The following DLC1 variants were observed in gnomAD, a reference collection of about 807,000 sequenced individuals.
The protein encoded by DLC1 is rho GTPase-activating protein 7.
A neutral mutation model predicts 140.3 loss-of-function variants in DLC1; 54 were observed. The ratio of observed to expected loss-of-function variants is 0.38; its 90% confidence interval spans 0.31 to 0.48. The LOEUF (loss-of-function observed/expected upper bound fraction) is 0.48, where lower values mean the gene tolerates loss of function less well. DLC1 is among the 20% of genes least tolerant of loss of function. The pLI is 0.96. For missense variants in DLC1, 2,536 were observed against 1,907.0 expected (o/e 1.33, Z -6.14); for synonymous variants, 986 against 728.1 (o/e 1.35, Z -5.70).
intron 5 of DLC1, among the ~76,000 whole-genome samples, chr8:13,187,152 C>CT (rs35092529): frequency 0.59 from 90,136 of 151,694 alleles, 27,334 homozygotes; most frequent in East Asian, 0.86. Context: ...CCCTGCTTTA[C>CT]TTTTTTTTCC....
At chr8:13,441,056 C>A (rs922222971) in intron 2 of DLC1, among the ~76,000 whole-genome samples, 3 of 152,044 alleles carry the variant, frequency 2.0e-5, no homozygotes, top group Non-Finnish European at 2.9e-5. Flanking sequence ...TGTAATATAA[C>A]CTGGGATAAT....
At chr8:13,561,954 G>T (rs919181703) in intron 1 of DLC1, among the ~76,000 whole-genome samples, 15 of 152,166 alleles carry the variant, frequency 9.9e-5, no homozygotes, top group African/African-American at 3.6e-4. Flanking sequence ...TAGATAATAT[G>T]ATTATATATT....
intron 4 of DLC1, among the ~76,000 whole-genome samples, chr8:13,385,550 G>T (rs1485249898): frequency 6.6e-6 from 1 of 152,108 alleles, no homozygotes; most frequent in African/African-American, 2.4e-5. Flanking sequence ...GTTTTCAAGT[G>T]GTGGCATCTT....
At chr8:13,441,459 C>T (rs567558724) in intron 2 of DLC1, among the ~76,000 whole-genome samples, 9 of 152,270 alleles carry the variant, frequency 5.9e-5, no homozygotes, top group East Asian at 3.9e-4. Flanking sequence ...TCTAGAAAAC[C>T]GCATCGTCAC....
intron 2 of DLC1, 106 bp from the exon 3 acceptor site, chr8:13,401,725 A>G: frequency 2.1e-6 from 3 of 1,397,302 alleles, no homozygotes; most frequent in Non-Finnish European, 2.9e-6. Flanking sequence ...GATAATAGGC[A>G]GTCTTTAATT....
At chr8:13,489,948 T>G (rs1424099510) in intron 2 of DLC1, among the ~76,000 whole-genome samples, 1 of 152,216 alleles carries the variant, frequency 6.6e-6, no homozygotes, top group Admixed American at 6.5e-5. Flanking sequence ...TGTGGATGTT[T>G]AATGAGATTT....
chr8:13,275,270 C>G (rs750138033), intron 5 of DLC1, among the ~76,000 whole-genome samples: 4 of 152,214 alleles, frequency 2.6e-5, no homozygotes, highest in Non-Finnish European at 4.4e-5. Flanking sequence ...TTCCCCTCTT[C>G]AAGTCATATC....
intron 2 of DLC1, among the ~76,000 whole-genome samples, chr8:13,434,508 G>A (rs1328246062): frequency 2.0e-5 from 3 of 152,092 alleles, no homozygotes; most frequent in Admixed American, 6.5e-5. Context: ...ATGTGTGTAT[G>A]TATATGTTTA....
At chr8:13,102,422 T>C (rs1452404549) in intron 8 of DLC1, among the ~76,000 whole-genome samples, 1 of 152,196 alleles carries the variant, frequency 6.6e-6, no homozygotes, top group Non-Finnish European at 1.5e-5. Flanking sequence ...GTTATTGTTA[T>C]ATTTGGGAAG....
chr8:13,121,677 T>C (rs1402815599), intron 5 of DLC1, among the ~76,000 whole-genome samples: 1 of 151,922 alleles, frequency 6.6e-6, no homozygotes, highest in Non-Finnish European at 1.5e-5. Context: ...GCCTCCTGAG[T>C]AGCTGGGACT....
intron 2 of DLC1, among the ~76,000 whole-genome samples, chr8:13,459,364 T>C (rs1799554854): frequency 6.6e-6 from 1 of 152,156 alleles, no homozygotes; most frequent in African/African-American, 2.4e-5. Context: ...TTCAAAAAGA[T>C]TCCAAGCCAT....
In DLC1 at chr8:13,497,631, T is replaced by C. The variant is rs1388058325; in HGVS notation, c.1023+1418A>G. Among the ~76,000 whole-genome samples, 3 of 152,218 alleles carry C rather than the reference T, an allele frequency of 2.0e-5. No homozygotes were observed. In the South Asian group the frequency reaches 6.2e-4, roughly 32 times the overall value. ...GTATATGTTTCTGGAATGTTTAATGTTTCCATTGGCAGTTGGGTGGAGTTT... is the reference window on the plus strand; with the variant it reads ...GTATATGTTTCTGGAATGTTTAATGCTTCCATTGGCAGTTGGGTGGAGTTT... On this transcript the variant is annotated intron_variant, in intron 2 of 17. Transcript: ENST00000276297.
At chr8:13,282,685 G>A (rs1831406617) in intron 5 of DLC1, among the ~76,000 whole-genome samples, 1 of 151,802 alleles carries the variant, frequency 6.6e-6, no homozygotes, top group East Asian at 1.9e-4. Flanking sequence ...ATTACAGTGT[G>A]TTAGTAAAGA....
chr8:13,395,014 C>G (rs1163058183), intron 3 of DLC1, among the ~76,000 whole-genome samples: 2 of 85,296 alleles, frequency 2.3e-5, no homozygotes, highest in Non-Finnish European at 4.4e-5. Flanking sequence ...TTCTATCTAT[C>G]TATCTATCTA....
chr8:13,433,884 T>C (rs376392710), intron 2 of DLC1, among the ~76,000 whole-genome samples: 39 of 152,350 alleles, frequency 2.6e-4, no homozygotes, highest in East Asian at 2.3e-3. Flanking sequence ...AGATGGAGTT[T>C]CACTCTTGTT....
chr8:13,120,375 T>C (rs1159011048), intron 5 of DLC1, among the ~76,000 whole-genome samples: 3 of 91,078 alleles, frequency 3.3e-5, no homozygotes, highest in Non-Finnish European at 5.2e-5. Flanking sequence ...ATATATAAAA[T>C]GTATATTATG....
At chr8:13,503,722 G>A (rs148270181) in intron 1 of DLC1, among the ~76,000 whole-genome samples, 59 of 152,330 alleles carry the variant, frequency 3.9e-4, no homozygotes, top group African/African-American at 1.3e-3. Context: ...TTAGTACCCA[G>A]TGAGTGGCAG....
At chr8:13,435,096 C>T (rs995693136) in intron 2 of DLC1, among the ~76,000 whole-genome samples, 1 of 152,166 alleles carries the variant, frequency 6.6e-6, no homozygotes, top group African/African-American at 2.4e-5. Context: ...ATTCACTATT[C>T]TAGATACCAC....
chr8:13,405,546 A>G (rs1837487799), intron 2 of DLC1, among the ~76,000 whole-genome samples: 2 of 152,198 alleles, frequency 1.3e-5, no homozygotes, highest in Admixed American at 6.5e-5. Flanking sequence ...ATCCACTGGT[A>G]AAGTCGAGAC....
Sources: allele counts gnomAD v4.1 joint callset (sites outside exome capture counted in the v4.1 genomes callset), GRCh38; gene constraint gnomAD v4.1.1; transcripts MANE v1.5; gene names NCBI Gene and HGNC (gene_info 2026-07-23, HGNC 2026-07-21).